Variants in DNAH3 observed in about 807,000 individuals in gnomAD.
The protein encoded by DNAH3 is dynein axonemal heavy chain 3, also known as axonemal beta dynein heavy chain 3.
Under a neutral mutation model 432.5 loss-of-function variants are expected in DNAH3, and 332 were observed. That is an observed-to-expected ratio of 0.77 (90% CI 0.70 to 0.84). The LOEUF is 0.84. Ranked by LOEUF, DNAH3 falls within the 40% of genes least tolerant of loss-of-function variation. The pLI is 0.00. For missense variants in DNAH3, 4,861 were observed against 5,114.0 expected, an observed-to-expected ratio of 0.95 and a Z score of 1.51; for synonymous variants, 1,956 against 1,900.2, an observed-to-expected ratio of 1.03 and a Z score of -0.76.
exon 19 of DNAH3, chr16:21,086,958 G>A: frequency 6.2e-7 from 1 of 1,614,098 alleles, no homozygotes; most frequent in Non-Finnish European, 8.5e-7. Flanking sequence ...TAAGCGCCTG[G>A]GTGCAGGCAC....
intron 29 of DNAH3, among the ~76,000 whole-genome samples, chr16:21,051,070 A>T (rs921933887): frequency 1.3e-5 from 2 of 152,242 alleles, no homozygotes; most frequent in Non-Finnish European, 2.9e-5. Flanking sequence ...ATAGACCATA[A>T]AAAACAAGTG....
intron 41 of DNAH3, among the ~76,000 whole-genome samples, chr16:21,017,817 CTCAT>C (rs1246860950): frequency 5.9e-5 from 9 of 152,046 alleles, no homozygotes; most frequent in African/African-American, 1.5e-4. Flanking sequence ...TATCTACTTG[CTCAT>C]TCATTATTTC....
At chr16:21,119,497 G>A (rs892901427) in intron 11 of DNAH3, among the ~76,000 whole-genome samples, 1 of 151,952 alleles carries the variant, frequency 6.6e-6, no homozygotes, top group Non-Finnish European at 1.5e-5. Context: ...GGGCATGGTG[G>A]TGCACACCTG....
At chr16:20,969,769 C>T in intron 52 of DNAH3, 23 bp downstream of exon 52, 4 of 1,613,744 alleles carry the variant, frequency 2.5e-6, no homozygotes, top group Non-Finnish European at 3.4e-6. Flanking sequence ...CCTGTGCAGG[C>T]ATCTGGGTGG....
exon 48 of DNAH3, chr16:20,985,448 G>A (rs776778360): frequency 9.9e-6 from 16 of 1,614,218 alleles, no homozygotes; most frequent in East Asian, 2.2e-5. Flanking sequence ...ATGCCCACCA[G>A]GAGCAGGTGG....
At chr16:21,125,186 T>C (rs2092422087) in exon 9 of DNAH3, 2 of 1,604,034 alleles carry the variant, frequency 1.2e-6, no homozygotes, top group Non-Finnish European at 1.7e-6. Context: ...TTGTGTATCA[T>C]GAAAAGGGAA....
At chr16:21,095,450 G>T (rs2091648082) in intron 18 of DNAH3, among the ~76,000 whole-genome samples, 1 of 152,172 alleles carries the variant, frequency 6.6e-6, no homozygotes, top group Non-Finnish European at 1.5e-5. Context: ...TTGAAAGATT[G>T]CATACTGTAT....
intron 38 of DNAH3, among the ~76,000 whole-genome samples, chr16:21,025,826 T>C (rs1290730068): frequency 1.3e-5 from 2 of 150,610 alleles, no homozygotes. Context: ...TTTTGCCTCC[T>C]GGGTTCAAGC....
At chr16:21,071,288 C>T (rs532473339) in intron 21 of DNAH3, among the ~76,000 whole-genome samples, 372 of 152,142 alleles carry the variant, frequency 2.4e-3, no homozygotes, top group Non-Finnish European at 3.0e-3. Context: ...GTGATCCACC[C>T]GCCTCGGCCT....
chr16:21,116,047 A>G lies in DNAH3; in HGVS notation c.1814+1156T>C, dbSNP rs556313315. ...CCACGCACAGGACAGCCCCCACAAT[A>G]TAATTTTCCAGTCAAAAATGTCAGT... is the stretch of plus-strand genomic sequence containing the variant. On this transcript the variant is annotated intron_variant, in intron 12 of 61. Transcript: ENST00000261383. 5.3e-5 allele frequency among the ~76,000 whole-genome samples: 8 copies of G among 152,270 alleles called. No homozygotes were observed. The South Asian group carries it at 1.7e-3, about 32-fold the overall frequency.
At position 21,128,585 on chromosome 16, in the gene DNAH3, C is replaced by T. The variant is rs558699046; in HGVS notation, c.1083-773G>A. On this transcript the variant is annotated intron_variant, in intron 7 of 61. Coordinates refer to ENST00000261383, the Ensembl canonical transcript of DNAH3. Reference sequence around the variant, plus strand: ...TGGCGGGCGCCTGTAATCCCAACCACCCGGGAGGCTGAGGCAGAGAATTGC... The same window carrying T: ...TGGCGGGCGCCTGTAATCCCAACCATCCGGGAGGCTGAGGCAGAGAATTGC... Among the ~76,000 whole-genome samples the T allele has an allele frequency of 1.6e-3, 240 of 151,936 alleles. 1 individual carries two copies. The highest frequency in any genetic ancestry group is 6.8e-3 in the Middle Eastern group (2 of 294).
chr16:20,987,585 G>A (rs1164169506), intron 46 of DNAH3, 108 bp downstream of exon 46: 1 of 1,534,900 alleles, frequency 6.5e-7, no homozygotes, highest in African/African-American at 1.4e-5. Flanking sequence ...ACAATGCCTA[G>A]CATAGACTAA....
At chr16:21,024,502 C>T (rs1567655498) in intron 39 of DNAH3, 94 bp downstream of exon 39, 1 of 860,536 alleles carries the variant, frequency 1.2e-6, no homozygotes. Context: ...TTGTTGCCTC[C>T]AGGGACTATG....
chr16:20,936,164 TTC>T (rs1491539054), intron 60 of DNAH3, among the ~76,000 whole-genome samples: 53 of 137,930 alleles, frequency 3.8e-4, no homozygotes, highest in South Asian at 4.6e-4. Flanking sequence ...GACATTTTTT[TTC>T]TTTTTAGACG....
intron 36 of DNAH3, among the ~76,000 whole-genome samples, chr16:21,033,307 T>C (rs1359289622): frequency 1.3e-5 from 2 of 152,240 alleles, no homozygotes; most frequent in Non-Finnish European, 2.9e-5. Flanking sequence ...TATAGGTTTG[T>C]GTTTTATAAA....
At chr16:21,103,354 TG>T (rs553390308) in intron 16 of DNAH3, among the ~76,000 whole-genome samples, 18 of 67,682 alleles carry the variant, frequency 2.7e-4, no homozygotes, top group South Asian at 1.5e-3. Context: ...GGTGTGTGTG[TG>T]GGGGGGGGCA....
intron 60 of DNAH3, 48 bp downstream of exon 60, chr16:20,936,601 A>C: frequency 6.6e-7 from 1 of 1,520,130 alleles, no homozygotes; most frequent in South Asian, 1.2e-5. Context: ...TGTCCTCTCC[A>C]CCTAAGCAAG....
intron 14 of DNAH3, among the ~76,000 whole-genome samples, chr16:21,107,239 C>CTTTTTT (rs5816146): frequency 5.5e-5 from 5 of 91,304 alleles, no homozygotes; most frequent in African/African-American, 1.2e-4. Flanking sequence ...AATTTTTAAT[C>CTTTTTT]TTTTTTTTTT....
At chr16:21,015,844 T>G (rs1387230465) in intron 41 of DNAH3, among the ~76,000 whole-genome samples, 1 of 152,158 alleles carries the variant, frequency 6.6e-6, no homozygotes, top group East Asian at 1.9e-4. Context: ...CAGGTTGGAT[T>G]GCAGTGGTGT....
Sources: gnomAD v4.1 joint callset for allele counts (sites outside exome capture counted in the v4.1 genomes callset) on GRCh38, gnomAD v4.1.1 for gene constraint, MANE v1.5 for transcripts, NCBI Gene and HGNC (gene_info 2026-07-23, HGNC 2026-07-21) for gene names.